The following PRKG1 variants were observed in gnomAD, a reference collection of about 807,000 sequenced individuals.
The protein encoded by PRKG1 is cGMP-dependent protein kinase 1.
Under a neutral mutation model 88.1 loss-of-function variants are expected in PRKG1, and 35 were observed. The ratio of observed to expected loss-of-function variants is 0.40; its 90% CI spans 0.30 to 0.53. PRKG1 has a LOEUF of 0.53. Among genes scored for constraint, PRKG1 ranks in the 20% least tolerant of loss-of-function variants. The pLI is 0.59. For missense variants in PRKG1, 540 were observed against 839.8 expected, an observed-to-expected ratio of 0.64 and a Z score of 4.41; for synonymous variants, 303 against 292.5, an observed-to-expected ratio of 1.04 and a Z score of -0.37.
chr10:52,192,228 C>T (rs1839383425), intron 9 of PRKG1, among the ~76,000 whole-genome samples: 1 of 152,082 alleles, frequency 6.6e-6, no homozygotes, highest in Non-Finnish European at 1.5e-5. Context: ...CAGTAACTCC[C>T]TTGTTTTCTA....
intron 2 of PRKG1, among the ~76,000 whole-genome samples, chr10:51,265,431 C>A (rs745790087): frequency 1.3e-5 from 2 of 152,078 alleles, no homozygotes; most frequent in African/African-American, 4.8e-5. Context: ...TAAAAAAATT[C>A]TTTGTTGAAA....
At chr10:51,603,195 T>C (rs995584498) in intron 3 of PRKG1, among the ~76,000 whole-genome samples, 9 of 152,268 alleles carry the variant, frequency 5.9e-5, no homozygotes, top group East Asian at 3.9e-4. Flanking sequence ...TGACCTCAAG[T>C]GCTCTGCCCA....
At chr10:51,946,889 T>G (rs922755393) in intron 5 of PRKG1, among the ~76,000 whole-genome samples, 2 of 151,986 alleles carry the variant, frequency 1.3e-5, no homozygotes, top group Non-Finnish European at 2.9e-5. Flanking sequence ...TGCCTCCCAG[T>G]TAGGCTGCTC....
intron 1 of PRKG1, among the ~76,000 whole-genome samples, chr10:51,038,034 A>G (rs1843375144): frequency 6.6e-6 from 1 of 152,142 alleles, no homozygotes; most frequent in South Asian, 2.1e-4. Context: ...GCCAGAACCA[A>G]TTATGTGTTT....
intron 1 of PRKG1, among the ~76,000 whole-genome samples, chr10:51,119,285 T>G (rs1845206356): frequency 6.6e-6 from 1 of 152,084 alleles, no homozygotes; most frequent in African/African-American, 2.4e-5. Flanking sequence ...TTCACAGTCT[T>G]TGAGTTATTG....
chr10:51,310,151 T>C (rs1292007129), intron 2 of PRKG1, among the ~76,000 whole-genome samples: 1 of 152,170 alleles, frequency 6.6e-6, no homozygotes, highest in Non-Finnish European at 1.5e-5. Context: ...ATAATGTACA[T>C]TGTTCAGGTG....
At chr10:51,119,483 G>C (rs1029287907) in intron 1 of PRKG1, among the ~76,000 whole-genome samples, 1 of 151,862 alleles carries the variant, frequency 6.6e-6, no homozygotes, top group Non-Finnish European at 1.5e-5. Flanking sequence ...AGTTAAATAT[G>C]CTTCTCAAGA....
At chr10:51,353,169 T>G (rs982189065) in intron 2 of PRKG1, among the ~76,000 whole-genome samples, 2 of 152,066 alleles carry the variant, frequency 1.3e-5, no homozygotes, top group African/African-American at 4.8e-5. Context: ...AATTTAAAGC[T>G]AAAACCTCAA....
intron 1 of PRKG1, among the ~76,000 whole-genome samples, chr10:51,032,684 G>A (rs1425911119): frequency 1.3e-5 from 2 of 152,034 alleles, no homozygotes; most frequent in Non-Finnish European, 1.5e-5. Flanking sequence ...ACTTGAACCC[G>A]GGAGGCAGAG....
chr10:51,777,860 G>A (rs923074507), intron 3 of PRKG1, among the ~76,000 whole-genome samples: 3 of 152,102 alleles, frequency 2.0e-5, no homozygotes, highest in Admixed American at 6.6e-5. Context: ...GAATTGTATA[G>A]TACATAGCCT....
At chr10:51,920,319 T>A (rs1361336752) in intron 5 of PRKG1, among the ~76,000 whole-genome samples, 1 of 152,188 alleles carries the variant, frequency 6.6e-6, no homozygotes, top group Non-Finnish European at 1.5e-5. Context: ...GAAACTTTTG[T>A]AGAAGTTGTT....
At chr10:51,270,657 A>G (rs551815924) in intron 2 of PRKG1, among the ~76,000 whole-genome samples, 66 of 145,982 alleles carry the variant, frequency 4.5e-4, no homozygotes, top group Middle Eastern at 6.9e-3. Context: ...CTTTTCTCTC[A>G]GAAAAAAATC....
At chr10:51,479,940 C>T (rs1469934158) in intron 3 of PRKG1, among the ~76,000 whole-genome samples, 1 of 151,990 alleles carries the variant, frequency 6.6e-6, no homozygotes, top group African/African-American at 2.4e-5. Context: ...AGTTGAATCA[C>T]CAGTAGCTTA....
intron 5 of PRKG1, among the ~76,000 whole-genome samples, chr10:51,974,896 G>A (rs897471465): frequency 6.6e-5 from 10 of 152,086 alleles, no homozygotes; most frequent in Non-Finnish European, 1.3e-4. Context: ...ATACCTAGTA[G>A]AAGATAGTGA....
intron 2 of PRKG1, among the ~76,000 whole-genome samples, chr10:51,370,980 C>A (rs1369718065): frequency 6.6e-6 from 1 of 152,024 alleles, no homozygotes; most frequent in African/African-American, 2.4e-5. Context: ...ACTTTGTGTG[C>A]CCTACACCCT....
intron 8 of PRKG1, among the ~76,000 whole-genome samples, chr10:52,143,329 C>G (rs144212619): frequency 6.6e-6 from 1 of 152,010 alleles, no homozygotes; most frequent in Admixed American, 6.6e-5. Flanking sequence ...TTTTGTGTTG[C>G]GGGGGCGGGG....
chr10:52,054,635 A>G (rs769236767), intron 6 of PRKG1, 74 bp downstream of exon 6: 448 of 1,236,266 alleles, frequency 3.6e-4, no homozygotes, highest in Non-Finnish European at 4.8e-4. Flanking sequence ...GTAGGAACAC[A>G]TGCAGAGTCT....
chr10:51,084,052 C>T (rs1264782496), intron 1 of PRKG1, among the ~76,000 whole-genome samples: 1 of 152,138 alleles, frequency 6.6e-6, no homozygotes, highest in Non-Finnish European at 1.5e-5. Flanking sequence ...CTTTTCCCCA[C>T]TCCTAAAATA....
intron 10 of PRKG1, among the ~76,000 whole-genome samples, chr10:52,254,177 C>T (rs1841253273): frequency 6.6e-6 from 1 of 151,950 alleles, no homozygotes; most frequent in Non-Finnish European, 1.5e-5. Context: ...AATCAATCAC[C>T]ATAAGGGTAA....
Sources: allele counts gnomAD v4.1 joint callset (sites outside exome capture counted in the v4.1 genomes callset), GRCh38; gene constraint gnomAD v4.1.1; transcripts MANE v1.5; gene names NCBI Gene and HGNC (gene_info 2026-07-23, HGNC 2026-07-21).